The following LRRC49 variants were observed in gnomAD, a reference collection of about 807,000 sequenced individuals.
The protein encoded by LRRC49 is leucine-rich repeat-containing protein 49.
LRRC49 carries 50 observed loss-of-function variants against 83.3 expected under a neutral mutation model. The ratio of observed to expected loss-of-function variants is 0.60; its 90% CI spans 0.48 to 0.76. LRRC49 has a LOEUF of 0.76. Ranked by LOEUF, LRRC49 falls within the 30% of genes least tolerant of loss-of-function variation. LRRC49 has a pLI of 0.00. For missense variants in LRRC49, 704 were observed against 809.1 expected (o/e 0.87, Z 1.58); for synonymous variants, 286 against 283.3 (o/e 1.01, Z -0.10).
At chr15:70,976,440 A>G (rs1036498509) in intron 9 of LRRC49, among the ~76,000 whole-genome samples, 7 of 152,200 alleles carry the variant, frequency 4.6e-5, no homozygotes, top group Admixed American at 1.3e-4. Context: ...ACACCTTGCC[A>G]TTTGATTTTT....
At chr15:71,005,834 A>C (rs993219925) in intron 11 of LRRC49, among the ~76,000 whole-genome samples, 10 of 152,220 alleles carry the variant, frequency 6.6e-5, no homozygotes, top group African/African-American at 1.9e-4. Flanking sequence ...AGATGTACCC[A>C]TATCTGCTAA....
rs1233677576 is a variant in LRRC49, at chr15:71,053,313, G to GT, written c.*3706dup. On this transcript the variant is annotated 3_prime_UTR_variant, in exon 16 of 16. Transcript: ENST00000260382. Reference sequence around the variant, plus strand: ...AACAGTAGTCAATGATGGCCACAAGGTTTTTGGCTTGAACTACCGAAAAGA... The same window carrying GT: ...AACAGTAGTCAATGATGGCCACAAGGTTTTTTGGCTTGAACTACCGAAAAGA... The GT allele has an allele frequency of 6.6e-6, 1 of 152,188 alleles. No homozygotes were observed. Among genetic ancestry groups the GT allele is most frequent in the Non-Finnish European group, 1.5e-5 (1 of 68,036 alleles). 9.4% of individuals were successfully genotyped at this position (152,188 alleles called of 1,614,324 possible). A position where few individuals can be genotyped will look rare whatever the true frequency, so the allele number is the denominator to read the frequency against.
intron 15 of LRRC49, among the ~76,000 whole-genome samples, chr15:71,045,261 A>G (rs1288476098): frequency 6.6e-6 from 1 of 152,218 alleles, no homozygotes. Flanking sequence ...ACTTTTTAAT[A>G]AAAATTTCAA....
chr15:70,897,700 A>G (rs1009495469), intron 3 of LRRC49, among the ~76,000 whole-genome samples: 12 of 152,208 alleles, frequency 7.9e-5, no homozygotes, highest in Admixed American at 4.6e-4. Context: ...CCTGTCCACA[A>G]AAATTAACCA....
intron 5 of LRRC49, chr15:70,907,813 G>A (rs2034381194): frequency 2.7e-6 from 1 of 375,144 alleles, no homozygotes; most frequent in African/African-American, 2.1e-5. Flanking sequence ...TCTATTCAAT[G>A]GAAGAACTTC....
chr15:70,881,575 A>G (rs1262242772), intron 2 of LRRC49: 2 of 152,208 alleles, frequency 1.3e-5, no homozygotes, highest in African/African-American at 2.4e-5. Flanking sequence ...AGTTTACTTC[A>G]TGGTACAAAA....
intron 8 of LRRC49, among the ~76,000 whole-genome samples, chr15:70,941,480 G>A (rs1337391935): frequency 2.7e-5 from 4 of 150,880 alleles, no homozygotes; most frequent in Non-Finnish European, 5.9e-5. Context: ...AGTTCATGGG[G>A]CAGGGGTAGT....
intron 11 of LRRC49, among the ~76,000 whole-genome samples, chr15:70,997,735 A>G (rs1040570332): frequency 3.9e-5 from 6 of 152,218 alleles, no homozygotes; most frequent in African/African-American, 1.2e-4. Flanking sequence ...TGGGCGACAG[A>G]GCATGACTCC....
intron 5 of LRRC49, chr15:70,907,628 G>A (rs2034371103): frequency 6.0e-6 from 1 of 167,574 alleles, no homozygotes; most frequent in African/African-American, 2.4e-5. Flanking sequence ...ACTCCTTGAA[G>A]TTTCCCACTT....
chr15:70,998,772 C>CT (rs71152323), intron 11 of LRRC49, among the ~76,000 whole-genome samples: 3 of 150,532 alleles, frequency 2.0e-5, no homozygotes, highest in African/African-American at 7.3e-5. Context: ...ATTCTTTCTG[C>CT]TTTTTTTTTT....
chr15:70,919,176 A>C lies in LRRC49; in HGVS notation c.694A>C (p.Asn232His). Reference sequence around the variant, plus strand: ...ACTAACTGAACTTAACTTGCGACACAATCAAATCACTTTCGTGGTGAGTAT... The same window carrying C: ...ACTAACTGAACTTAACTTGCGACACCATCAAATCACTTTCGTGGTGAGTAT... ...DSLTELNLRH[N>H]QITFVRDVDN... The change falls in exon 7 of 16, where the codon AAT becomes CAT. Residue 232 changes from asparagine to histidine, a missense_variant. Coordinates refer to ENST00000260382, the MANE Select transcript of LRRC49 (RefSeq NM_017691.5). The C allele has an allele frequency of 6.2e-7, 1 of 1,611,894 alleles. No individual in the cohort carries two copies. The highest frequency in any genetic ancestry group is 1.7e-4 in the Middle Eastern group (1 of 6,050).
In LRRC49 at chr15:71,009,969, A is replaced by G; in HGVS notation, c.1570A>G (p.Met524Val). ...ACTGTTTAGGCTAAGCCATTTCAGT[A>G]TGCAGAAAATAAATGGAACAGAGGT... ...YVLFRLSHFS[M>V]QKINGTEVTQ... Residue 524 changes from methionine to valine, a missense_variant, in exon 13 of 16, where the codon ATG (methionine) becomes GTG (valine). Coordinates refer to ENST00000260382, the MANE Select transcript of LRRC49 (RefSeq NM_017691.5). 1 of 1,598,214 alleles carries G rather than the reference A, an allele frequency of 6.3e-7. No individual in the cohort carries two copies. Among genetic ancestry groups the G allele is most frequent in the Non-Finnish European group, 8.5e-7 (1 of 1,171,736 alleles).
chr15:70,878,210 G>GT (rs896944263), intron 2 of LRRC49, among the ~76,000 whole-genome samples: 9 of 151,978 alleles, frequency 5.9e-5, no homozygotes, highest in African/African-American at 1.2e-4. Context: ...AATGAAACCA[G>GT]TTTTTTTTAA....
intron 11 of LRRC49, among the ~76,000 whole-genome samples, chr15:71,000,450 C>G (rs2038217791): frequency 6.6e-6 from 1 of 152,150 alleles, no homozygotes; most frequent in African/African-American, 2.4e-5. Context: ...ATTTAAGTCT[C>G]TATAATATAA....
At chr15:70,869,265 G>A (rs114670769) in intron 1 of LRRC49, among the ~76,000 whole-genome samples, 1,774 of 152,230 alleles carry the variant, frequency 0.012, 39 homozygotes, top group African/African-American at 0.04. Flanking sequence ...CATGTTAACA[G>A]TAATGATTTC....
intron 7 of LRRC49, 79 bp downstream of exon 7, chr15:70,919,272 C>A: frequency 8.1e-7 from 1 of 1,240,902 alleles, no homozygotes; most frequent in Non-Finnish European, 1.1e-6. Context: ...ATATGGCTTT[C>A]TGCAAAGTAA....
At chr15:70,872,384 G>A (rs1165987567) in intron 1 of LRRC49, among the ~76,000 whole-genome samples, 1 of 151,756 alleles carries the variant, frequency 6.6e-6, no homozygotes, top group Non-Finnish European at 1.5e-5. Flanking sequence ...GGGAGACCGC[G>A]GAAAGTGGGA....
intron 11 of LRRC49, among the ~76,000 whole-genome samples, chr15:71,000,694 G>C (rs1319835001): frequency 6.6e-6 from 1 of 152,072 alleles, no homozygotes; most frequent in South Asian, 2.1e-4. Flanking sequence ...ATTGAACAAA[G>C]AAATTTACTG....
intron 14 of LRRC49, among the ~76,000 whole-genome samples, chr15:71,025,268 GA>G (rs2039127249): frequency 6.6e-6 from 1 of 152,146 alleles, no homozygotes; most frequent in African/African-American, 2.4e-5. Context: ...AGATTGAAAT[GA>G]AGGAAAAAAT....
Sources: allele counts gnomAD v4.1 joint callset (sites outside exome capture counted in the v4.1 genomes callset), GRCh38; gene constraint gnomAD v4.1.1; transcripts MANE v1.5; gene names NCBI Gene and HGNC (gene_info 2026-07-23, HGNC 2026-07-21).